The following SLC25A20 variants were observed in gnomAD, a reference collection of about 807,000 sequenced individuals.
The protein encoded by SLC25A20 is solute carrier family 25 member 20.
SLC25A20 carries 29 observed loss-of-function variants against 39.7 expected under a neutral mutation model. That is an observed-to-expected ratio of 0.73 (90% CI 0.54 to 1.00). The LOEUF is 1.00. SLC25A20 is among the 50% of genes least tolerant of loss of function. The pLI is 0.00. For synonymous variants in SLC25A20, 103 were observed against 142.2 expected, an observed-to-expected ratio of 0.72 and a Z score of 1.96; for missense variants, 333 against 379.9, an observed-to-expected ratio of 0.88 and a Z score of 1.03.
At chr3:48,863,744 C>A (rs1193543627) in intron 4 of SLC25A20, among the ~76,000 whole-genome samples, 2 of 152,184 alleles carry the variant, frequency 1.3e-5, no homozygotes, top group Non-Finnish European at 2.9e-5. Flanking sequence ...AGGCCGGGCA[C>A]GGTGGCTCAC....
intron 4 of SLC25A20, among the ~76,000 whole-genome samples, chr3:48,870,443 A>G (rs2083704972): frequency 6.6e-6 from 1 of 152,180 alleles, no homozygotes. Flanking sequence ...TAAAATTATA[A>G]TATCATTTAC....
intron 2 of SLC25A20, among the ~76,000 whole-genome samples, chr3:48,885,006 A>T (rs1421946411): frequency 6.6e-6 from 1 of 152,060 alleles, no homozygotes; most frequent in African/African-American, 2.4e-5. Flanking sequence ...TTAAGATGGG[A>T]CTTTTGTTAG....
At chr3:48,896,071 T>C (rs2083907911) in intron 1 of SLC25A20, among the ~76,000 whole-genome samples, 2 of 147,194 alleles carry the variant, frequency 1.4e-5, no homozygotes, top group South Asian at 2.1e-4. Context: ...ACTCGGGAGA[T>C]GGAAGTTGCC....
At chr3:48,886,531 AAATAAT>A (rs2083831127) in intron 2 of SLC25A20, among the ~76,000 whole-genome samples, 1 of 151,778 alleles carries the variant, frequency 6.6e-6, no homozygotes, top group African/African-American at 2.4e-5. Context: ...CTCAAACAAA[AAATAAT>A]AATAATAAAA....
intron 1 of SLC25A20, among the ~76,000 whole-genome samples, chr3:48,897,656 G>C (rs1468357074): frequency 6.6e-6 from 1 of 152,040 alleles, no homozygotes; most frequent in African/African-American, 2.4e-5. Context: ...TCCTCTCTTG[G>C]ATGAAAGGCA....
chr3:48,861,644 T>C (rs569612298), intron 5 of SLC25A20, among the ~76,000 whole-genome samples: 1 of 152,188 alleles, frequency 6.6e-6, no homozygotes, highest in South Asian at 2.1e-4. Context: ...GGAGAGTCAC[T>C]TGAACCCAGG....
chr3:48,875,591 G>A (rs1325266567), intron 4 of SLC25A20, among the ~76,000 whole-genome samples: 3 of 152,072 alleles, frequency 2.0e-5, no homozygotes, highest in Admixed American at 6.6e-5. Context: ...TGTATTTTTG[G>A]TAGAGACGGG....
chr3:48,896,140 CAAAAAAAA>C, intron 1 of SLC25A20, among the ~76,000 whole-genome samples: 1 of 69,770 alleles, frequency 1.4e-5, no homozygotes, highest in East Asian at 4.4e-4. Context: ...AGTCTTGTCT[CAAAAAAAA>C]AAAAAAAAAA....
intron 4 of SLC25A20, among the ~76,000 whole-genome samples, chr3:48,866,026 C>T (rs1331862702): frequency 6.7e-6 from 1 of 149,750 alleles, no homozygotes; most frequent in African/African-American, 2.5e-5. Flanking sequence ...CCCAGCTACT[C>T]GGGAGGCTGA....
Position 48,866,815 on chromosome 3 carries a change from C to T in SLC25A20, c.418-4156G>A, listed in dbSNP as rs767768392. Among the ~76,000 whole-genome samples, 6 of 151,560 alleles carry T rather than the reference C, an allele frequency of 4.0e-5. No individual in the cohort carries two copies. The South Asian group carries it at 8.3e-4, about 21-fold the overall frequency. On this transcript the variant is annotated intron_variant, in intron 4 of 8. Transcript: ENST00000319017. The stretch of plus-strand genomic sequence containing the variant: ...CTATTTTTTTTTTCTTTTTTTGAGA[C>T]GGAGTTGTAATCTTCTAGCCCAGAC...
chr3:48,884,161 C>T (rs559649152), intron 2 of SLC25A20, 37 bp from the exon 3 acceptor site: 2 of 1,611,744 alleles, frequency 1.2e-6, no homozygotes, highest in African/African-American at 2.7e-5. Flanking sequence ...TGTTTACAGA[C>T]ACCACCACCT....
intron 4 of SLC25A20, among the ~76,000 whole-genome samples, chr3:48,874,390 C>G (rs2083739611): frequency 6.6e-6 from 1 of 151,736 alleles, no homozygotes; most frequent in African/African-American, 2.4e-5. Flanking sequence ...CACTTGAGCC[C>G]AGGAGATCAA....
At chr3:48,891,219 C>T (rs542817776) in intron 2 of SLC25A20, among the ~76,000 whole-genome samples, 5 of 152,132 alleles carry the variant, frequency 3.3e-5, no homozygotes, top group African/African-American at 4.8e-5. Flanking sequence ...GGACTACAGG[C>T]GCATGCCACC....
intron 7 of SLC25A20, 170 bp from the exon 8 acceptor site, chr3:48,858,801 T>G: frequency 1.2e-6 from 1 of 813,100 alleles, no homozygotes; most frequent in Non-Finnish European, 2.0e-6. Flanking sequence ...GAATTACTTG[T>G]GCCAAGGGAA....
intron 4 of SLC25A20, among the ~76,000 whole-genome samples, chr3:48,876,280 G>A (rs1206129815): frequency 1.3e-5 from 2 of 148,802 alleles, no homozygotes; most frequent in South Asian, 2.1e-4. Flanking sequence ...GGGAAGAGGT[G>A]GCAGTGAGCT....
chr3:48,894,515 C>T (rs558399647), intron 1 of SLC25A20, among the ~76,000 whole-genome samples: 1 of 151,636 alleles, frequency 6.6e-6, no homozygotes, highest in African/African-American at 2.4e-5. Flanking sequence ...TCAGGTGATC[C>T]ACCCGCCTCG....
At chr3:48,883,751 A>T (rs1330165890) in intron 3 of SLC25A20, among the ~76,000 whole-genome samples, 2 of 149,738 alleles carry the variant, frequency 1.3e-5, no homozygotes, top group Non-Finnish European at 3.0e-5. Context: ...CCTTCCAAGT[A>T]GCTGGGACTA....
At chr3:48,892,439 T>G (rs1028881140) in intron 1 of SLC25A20, among the ~76,000 whole-genome samples, 2 of 152,298 alleles carry the variant, frequency 1.3e-5, no homozygotes, top group African/African-American at 4.8e-5. Context: ...TTGGTCAGAA[T>G]TCTCCAGAGA....
intron 2 of SLC25A20, 91 bp from the exon 3 acceptor site, chr3:48,884,215 G>A: frequency 6.5e-7 from 1 of 1,544,148 alleles, no homozygotes. Context: ...TCCAAACTGT[G>A]GCTTCCTTCA....
Sources: allele counts gnomAD v4.1 joint callset (sites outside exome capture counted in the v4.1 genomes callset), GRCh38; gene constraint gnomAD v4.1.1; transcripts MANE v1.5; gene names NCBI Gene and HGNC (gene_info 2026-07-23, HGNC 2026-07-21).